PCNT: variants seen among roughly 807,000 people sequenced by gnomAD.
PCNT encodes the protein kendrin.
In PCNT, 319 loss-of-function variants were observed where a neutral mutation model predicts 380.4. That is an observed-to-expected ratio of 0.84 (90% CI 0.77 to 0.92). The LOEUF is 0.92. PCNT is among the 40% of genes least tolerant of loss of function. PCNT has a pLI of 0.00. For synonymous variants in PCNT, 1,845 were observed against 1,735.2 expected, an observed-to-expected ratio of 1.06 and a Z score of -1.57; for missense variants, 4,400 against 4,255.3, an observed-to-expected ratio of 1.03 and a Z score of -0.95.
At chr21:46,325,071 C>T (rs1036959400) in intron 1 of PCNT, 4 of 985,384 alleles carry the variant, frequency 4.1e-6, no homozygotes, top group Non-Finnish European at 4.8e-6. Context: ...CGGGTTTCTC[C>T]GTGAAAAAGC....
chr21:46,337,169 G>A (rs1181320895), intron 3 of PCNT, among the ~76,000 whole-genome samples: 1 of 151,796 alleles, frequency 6.6e-6, no homozygotes, highest in African/African-American at 2.4e-5. Flanking sequence ...GCTAATTGGG[G>A]TTTCACCATG....
In PCNT at chr21:46,441,005, T is replaced by C; in HGVS notation, c.9544T>C (p.Ser3182Pro). The change falls in exon 43 of 47, where the codon TCC (serine) becomes CCC (proline). Residue 3182 changes from serine to proline, a missense_variant. Physicochemically the swap from Ser to Pro is moderately conservative, Grantham distance 74. Coordinates refer to ENST00000359568, the MANE Select transcript of PCNT (RefSeq NM_006031.6). ...SMIAHLGVFP[S>P]KAERKITSRP... The stretch of plus-strand genomic sequence containing the variant: ...GATTGCCCATTTGGGGGTATTTCCT[T>C]CCAAAGCAGAACGGAAAATCACATC... 1 of 1,614,148 alleles carries C rather than the reference T, an allele frequency of 6.2e-7. No homozygotes were observed. The highest frequency in any genetic ancestry group is 8.5e-7 in the Non-Finnish European group (1 of 1,180,000).
Position 46,402,372 on chromosome 21 carries a change from C to T in PCNT, c.5004C>T (p.Asp1668=), listed in dbSNP as rs750561741. The T allele has an allele frequency of 6.8e-6, 11 of 1,611,440 alleles. No homozygotes were observed. Among genetic ancestry groups the T allele is most frequent in the Non-Finnish European group, 9.3e-6 (11 of 1,177,766 alleles). The stretch of plus-strand genomic sequence containing the variant: ...AACAGCTAGAAAAGATGAAAGGTGA[C>T]TTAGAAAGTAAAAATGAAGAAATAC... ...LKEQLEKMKG[D]LESKNEEILH... The change falls in exon 27 of 47, where the codon GAC becomes GAT. Residue 1668 remains aspartate (D), a synonymous_variant. Transcript: ENST00000359568.
At chr21:46,329,936 A>G (rs190471534) in intron 2 of PCNT, among the ~76,000 whole-genome samples, 3 of 152,062 alleles carry the variant, frequency 2.0e-5, no homozygotes, top group Non-Finnish European at 4.4e-5. Flanking sequence ...GTCATCCTGA[A>G]CTCCTCTGCA....
At chr21:46,441,451 G>A (rs1021704305) in intron 43 of PCNT, among the ~76,000 whole-genome samples, 2 of 152,164 alleles carry the variant, frequency 1.3e-5, no homozygotes, top group Admixed American at 6.5e-5. Context: ...CCAAGGCCAC[G>A]CGCGGGCCTG....
intron 10 of PCNT, among the ~76,000 whole-genome samples, chr21:46,353,680 T>C (rs906727675): frequency 5.3e-5 from 8 of 151,170 alleles, no homozygotes; most frequent in African/African-American, 1.9e-4. Context: ...CCTCCAGGCA[T>C]GTGTGTGTGT....
chr21:46,353,336 G>A lies in PCNT; in HGVS notation c.1679+10G>A. ...ACTCTGTGGAAGTTGGGTAAGCAAA[G>A]CAGTTCCAGCCTCAGTGAGTTTCTG... On this transcript the variant is annotated intron_variant, in intron 10 of 46. Coordinates refer to ENST00000359568, the MANE Select transcript of PCNT (RefSeq NM_006031.6). 6.2e-7 allele frequency: 1 copy of A among 1,609,882 alleles called. No homozygotes were observed. Among genetic ancestry groups the A allele is most frequent in the South Asian group, 1.1e-5 (1 of 91,014 alleles).
Position 46,390,702 on chromosome 21 carries a change from T to C in PCNT, c.3873T>C (p.Phe1291=). ...LEEARQIHSR[F]EKEFSFKNEE... is the part of the protein sequence containing the mutation. ...AAGCACGCCAAATTCATTCTCGTTT[T>C]GAAAAAGAATTTAGTTTTAAGAATG... Residue 1291 remains phenylalanine (F), a synonymous_variant, in exon 20 of 47, where the codon TTT becomes TTC. Coordinates refer to ENST00000359568, the MANE Select transcript of PCNT (RefSeq NM_006031.6). 6.2e-7 allele frequency: 1 copy of C among 1,614,148 alleles called. No individual in the cohort carries two copies. The highest frequency in any genetic ancestry group is 8.5e-7 in the Non-Finnish European group (1 of 1,180,006).
chr21:46,336,986 T>G (rs963150738), intron 3 of PCNT, among the ~76,000 whole-genome samples: 10 of 146,886 alleles, frequency 6.8e-5, no homozygotes, highest in African/African-American at 1.8e-4. Context: ...AGGTTGTTTT[T>G]TTTGTTTGTT....
rs747159043 is a variant in PCNT, at chr21:46,436,094, G to A, written c.8942G>A (p.Arg2981Gln). The A allele has an allele frequency of 2.5e-5, 41 of 1,611,860 alleles. No individual in the cohort carries two copies. The highest frequency in any genetic ancestry group is 3.3e-5 in the Admixed American group (2 of 59,992). The change falls in exon 39 of 47, where the codon CGG (arginine) becomes CAG (glutamine). Residue 2981 changes from arginine to glutamine, a missense_variant. By Grantham distance (43) the Arg-to-Gln change is conservative. Transcript: ENST00000359568. ...QQRELEAMRQRLLSAARLLTS... is the reference protein window; with the variant it reads ...QQRELEAMRQQLLSAARLLTS... ...CGAGAGCTGGAGGCGATGAGGCAGC[G>A]GCTGCTCTCTGCCGCCCGGCTTCTC...
At position 46,416,535 on chromosome 21, in the gene PCNT, C is replaced by G. The variant is rs1162595075; in HGVS notation, c.6617C>G (p.Thr2206Ser). Residue 2206 changes from threonine (T) to serine (S), a missense_variant, in exon 30 of 47, where the codon ACT becomes AGT. Physicochemically the swap from Thr to Ser is moderately conservative, Grantham distance 58 (BLOSUM62 1). Transcript: ENST00000359568. ...GGTGGCTCCCGCCACCAGAGCCACACTGCAGAGGCTGGGCCCCGGAAGAGC... is the reference window on the plus strand; with the variant it reads ...GGTGGCTCCCGCCACCAGAGCCACAGTGCAGAGGCTGGGCCCCGGAAGAGC... ...VLGGSRHQSH[T>S]AEAGPRKSPV... The G allele has an allele frequency of 6.2e-7, 1 of 1,613,722 alleles. No homozygotes were observed.
chr21:46,358,086 C>G (rs949918022), intron 13 of PCNT, among the ~76,000 whole-genome samples: 1 of 152,064 alleles, frequency 6.6e-6, no homozygotes. Flanking sequence ...GCTCAGGGTC[C>G]GTCCCATGCC....
intron 34 of PCNT, 64 bp from the exon 35 acceptor site, chr21:46,428,331 A>G (rs2087595701): frequency 6.8e-7 from 1 of 1,469,866 alleles, no homozygotes; most frequent in Non-Finnish European, 9.4e-7. Context: ...GGCGGGCAGC[A>G]GGGAAGGCCG....
chr21:46,346,067 G>A, intron 3 of PCNT, 61 bp from the exon 4 acceptor site: 5 of 1,491,214 alleles, frequency 3.4e-6, no homozygotes, highest in Non-Finnish European at 4.7e-6. Context: ...CAGTTCTTGA[G>A]CACATCACTG....
At chr21:46,360,790 T>G (rs555813652) in intron 13 of PCNT, among the ~76,000 whole-genome samples, 2 of 151,686 alleles carry the variant, frequency 1.3e-5, no homozygotes, top group African/African-American at 4.8e-5. Flanking sequence ...AGTGCTGGGA[T>G]TACAGGCGTG....
intron 25 of PCNT, 131 bp downstream of exon 25, chr21:46,399,927 C>G (rs2086365482): frequency 2.5e-6 from 2 of 808,908 alleles, no homozygotes; most frequent in Non-Finnish European, 4.4e-6. Flanking sequence ...ACCAGAAACA[C>G]TGGCGTCAGG....
chr21:46,335,706 A>C (rs9975601), intron 3 of PCNT, among the ~76,000 whole-genome samples: 1 of 139,150 alleles, frequency 7.2e-6, no homozygotes, highest in South Asian at 2.2e-4. Context: ...TTTTTTTTTT[A>C]AATAGAGACG....
intron 42 of PCNT, among the ~76,000 whole-genome samples, chr21:46,440,622 A>T (rs1371411490): frequency 2.0e-5 from 3 of 152,206 alleles, no homozygotes; most frequent in African/African-American, 7.2e-5. Context: ...TCATTTGATG[A>T]TGCTGTGGAG....
intron 13 of PCNT, among the ~76,000 whole-genome samples, chr21:46,361,526 G>A (rs552611435): frequency 4.6e-5 from 7 of 152,228 alleles, no homozygotes; most frequent in African/African-American, 9.6e-5. Context: ...CCTCCCCTTC[G>A]TCTTCTGTGC....
Sources: gnomAD v4.1 joint callset for allele counts (sites outside exome capture counted in the v4.1 genomes callset) on GRCh38, gnomAD v4.1.1 for gene constraint, MANE v1.5 for transcripts, NCBI Gene and HGNC (gene_info 2026-07-23, HGNC 2026-07-21) for gene names.